PFKFB3: variants seen among roughly 807,000 people sequenced by gnomAD.
PFKFB3 encodes the protein 6-phosphofructo-2-kinase/fructose-2,6-biphosphatase 3.
PFKFB3 carries 33 observed loss-of-function variants against 68.0 expected under a neutral mutation model. The observed-to-expected ratio is 0.49, with a 90% CI of 0.37 to 0.65. The LOEUF (loss-of-function observed/expected upper bound fraction) is 0.65, where lower values mean the gene tolerates loss of function less well. Among genes scored for constraint, PFKFB3 ranks in the 30% least tolerant of loss-of-function variants. The pLI is 0.00. For synonymous variants in PFKFB3, 315 were observed against 288.2 expected (o/e 1.09, Z -0.94); for missense variants, 586 against 712.2 (o/e 0.82, Z 2.02).
the PFKFB3 span, among the ~76,000 whole-genome samples, chr10:6,308,649 A>T: frequency 8.8e-4 from 78 of 88,894 alleles, no homozygotes; most frequent in Non-Finnish European, 1.3e-3. Flanking sequence ...GTTCTCTTTT[A>T]AAAAAAACAT....
the PFKFB3 span, among the ~76,000 whole-genome samples, chr10:6,318,607 G>T: frequency 6.6e-6 from 1 of 152,134 alleles, no homozygotes; most frequent in Non-Finnish European, 1.5e-5. Flanking sequence ...TTGCGCTTTT[G>T]CCTGACCACG....
intron 14 of PFKFB3, chr10:6,231,237 T>C: frequency 1.4e-6 from 2 of 1,446,334 alleles, no homozygotes. Flanking sequence ...AACCTGTTTC[T>C]TCCTCTCCCC....
intron 1 of PFKFB3, among the ~76,000 whole-genome samples, chr10:6,167,099 C>T (rs375519513): frequency 7.6e-4 from 116 of 152,348 alleles, no homozygotes; most frequent in African/African-American, 2.7e-3. Context: ...GGATTACAGG[C>T]GTGAGCCACC....
downstream of PFKFB3, among the ~76,000 whole-genome samples, chr10:6,254,925 C>T (rs1454087441): frequency 7.5e-6 from 1 of 132,648 alleles, no homozygotes; most frequent in African/African-American, 2.8e-5. Context: ...TCCAGTGGTT[C>T]TCCTGCCTCA....
At chr10:6,219,890 G>A (rs768381771) in intron 7 of PFKFB3, among the ~76,000 whole-genome samples, 197 bp downstream of exon 7, 37 of 151,996 alleles carry the variant, frequency 2.4e-4, no homozygotes, top group Non-Finnish European at 4.1e-4. Context: ...ACATACAGCC[G>A]CTGGATACCT....
At chr10:6,182,740 C>T (rs578118370) in intron 1 of PFKFB3, among the ~76,000 whole-genome samples, 14 of 152,330 alleles carry the variant, frequency 9.2e-5, no homozygotes, top group East Asian at 3.9e-4. Context: ...GCTGGAGGAG[C>T]GGGCAGGACT....
Position 6,233,253 on chromosome 10 carries a change from C to G in PFKFB3, c.*311C>G, listed in dbSNP as rs1845854817. 1 of 350,020 alleles carries G rather than the reference C, an allele frequency of 2.9e-6. No individual in the cohort carries two copies. The highest frequency in any genetic ancestry group is 2.1e-5 in the African/African-American group (1 of 47,740). The allele number at this position is 350,020 out of a possible 1,614,324, so 21.7% of individuals were successfully genotyped here. On this transcript the variant is annotated 3_prime_UTR_variant, in exon 15 of 15. Transcript: ENST00000379775. ...CCTTGGGAGGGTGATGAGTGCTGGTCCTGACAGGAGGCCGCTGGGGACACT... is the reference window on the plus strand; with the variant it reads ...CCTTGGGAGGGTGATGAGTGCTGGTGCTGACAGGAGGCCGCTGGGGACACT...
chr10:6,306,310 CAG>C, the PFKFB3 span, among the ~76,000 whole-genome samples: 1 of 152,236 alleles, frequency 6.6e-6, no homozygotes, highest in South Asian at 2.1e-4. Context: ...TCTATCAAAG[CAG>C]AAACTCAGGA....
rs865990009 is a variant in PFKFB3, at chr10:6,213,637, C to T, written c.91C>T (p.Leu31=). 4 of 1,612,846 alleles carry T rather than the reference C, an allele frequency of 2.5e-6. No homozygotes were observed. In the Middle Eastern group the frequency reaches 6.6e-4, roughly 266 times the overall value. The change falls in exon 2 of 15, where the codon CTG becomes TTG. Residue 31 remains leucine (L), a synonymous_variant. Coordinates refer to ENST00000379775, the MANE Select transcript of PFKFB3 (RefSeq NM_004566.4). ...PSLPRSCGPK[L]TNSPTVIVMV... Reference sequence around the variant, plus strand: ...TGTTTTTCCAGCCTGTGGGCCAAAGCTGACCAACTCCCCCACCGTCATCGT... The same window carrying T: ...TGTTTTTCCAGCCTGTGGGCCAAAGTTGACCAACTCCCCCACCGTCATCGT...
chr10:6,276,394 G>GAA, the PFKFB3 span, among the ~76,000 whole-genome samples: 14 of 140,908 alleles, frequency 9.9e-5, no homozygotes, highest in East Asian at 1.0e-3. Context: ...CCATGCTTCA[G>GAA]AAAAAAAAAA....
At position 6,203,072 on chromosome 10, in the gene PFKFB3, TC is replaced by T. The variant is rs1326387140; in HGVS notation, c.-188del. 1 of 1,408,434 alleles carries T rather than the reference TC, an allele frequency of 7.1e-7. No individual in the cohort carries two copies. The highest frequency in any genetic ancestry group is 9.2e-7 in the Non-Finnish European group (1 of 1,086,612). 87.2% of individuals were successfully genotyped at this position (1,408,434 alleles called of 1,614,324 possible). On this transcript the variant is annotated 5_prime_UTR_variant, in exon 1 of 15. Transcript: ENST00000379775. ...AGCCTCGCTACCCTCGCAGCACACG[TC>T]GAGCCCCGCACAGGCGAGGGTCCGG...
chr10:6,257,664 G>A (rs1369368203), downstream of PFKFB3, among the ~76,000 whole-genome samples: 4 of 152,178 alleles, frequency 2.6e-5, no homozygotes, highest in Non-Finnish European at 5.9e-5. Context: ...CCTGTGCCAT[G>A]GAGTATTGCA....
At chr10:6,195,937 CTT>C (rs1259187848) in intron 1 of PFKFB3, among the ~76,000 whole-genome samples, 2 of 152,152 alleles carry the variant, frequency 1.3e-5, no homozygotes, top group African/African-American at 4.8e-5. Context: ...ACATCCTGCT[CTT>C]TTTCTACTCT....
intron 1 of PFKFB3, among the ~76,000 whole-genome samples, chr10:6,178,307 G>A (rs1842592855): frequency 6.6e-6 from 1 of 152,192 alleles, no homozygotes; most frequent in African/African-American, 2.4e-5. Context: ...CGCCCCTGCT[G>A]TGGGCCAGGC....
the PFKFB3 span, among the ~76,000 whole-genome samples, chr10:6,277,265 G>A: frequency 3.9e-4 from 59 of 149,742 alleles, no homozygotes; most frequent in East Asian, 9.4e-3. Flanking sequence ...ACAGAGTATC[G>A]CTCTTTCACC....
At chr10:6,281,474 A>G in the PFKFB3 span, among the ~76,000 whole-genome samples, 9 of 152,100 alleles carry the variant, frequency 5.9e-5, 1 homozygote, top group Non-Finnish European at 1.3e-4. Flanking sequence ...TGGCATTGGT[A>G]GAAGAAGAGA....
Position 6,234,676 on chromosome 10 carries a change from T to G in PFKFB3, c.*1734T>G, listed in dbSNP as rs1264120027. Reference sequence around the variant, plus strand: ...GTGGACGTGCACGGGTGCATGATTGTGCTTAACTTGGTTGTATTTTTCGAT... The same window carrying G: ...GTGGACGTGCACGGGTGCATGATTGGGCTTAACTTGGTTGTATTTTTCGAT... On this transcript the variant is annotated 3_prime_UTR_variant, in exon 15 of 15. Transcript: ENST00000379775. 6.6e-6 allele frequency: 1 copy of G among 152,262 alleles called. No individual in the cohort carries two copies. The highest frequency in any genetic ancestry group is 1.9e-4 in the East Asian group (1 of 5,318). 9.4% of individuals were successfully genotyped at this position (152,262 alleles called of 1,614,324 possible).
At chr10:6,172,942 A>G (rs1313752582) in intron 1 of PFKFB3, among the ~76,000 whole-genome samples, 1 of 152,022 alleles carries the variant, frequency 6.6e-6, no homozygotes, top group East Asian at 1.9e-4. Flanking sequence ...AGGCCGCTCC[A>G]TGCTCATCTC....
intron 1 of PFKFB3, among the ~76,000 whole-genome samples, chr10:6,164,309 G>T (rs978345254): frequency 1.3e-5 from 2 of 152,240 alleles, no homozygotes; most frequent in African/African-American, 4.8e-5. Context: ...TGGGTCTGTG[G>T]CTCCATCCGA....
Sources: gnomAD v4.1 joint callset for allele counts (sites outside exome capture counted in the v4.1 genomes callset) on GRCh38, gnomAD v4.1.1 for gene constraint, MANE v1.5 for transcripts, NCBI Gene and HGNC (gene_info 2026-07-23, HGNC 2026-07-21) for gene names.